The following IP6K3 variants were observed in gnomAD, a reference collection of about 807,000 sequenced individuals.
The protein encoded by IP6K3 is ATP:1D-myo-inositol-hexakisphosphate phosphotransferase.
IP6K3 carries 20 observed loss-of-function variants against 28.8 expected under a neutral mutation model. The observed-to-expected ratio is 0.70, with a 90% CI of 0.49 to 1.01. IP6K3 has a LOEUF of 1.01. Ranked by LOEUF, IP6K3 falls within the 50% of genes least tolerant of loss-of-function variation. The probability of loss-of-function intolerance (pLI) is 0.00; values close to 1 mark genes in which losing one functional copy is unlikely to be tolerated. For missense variants in IP6K3, 480 were observed against 537.1 expected (o/e 0.89, Z 1.05); for synonymous variants, 213 against 221.3 (o/e 0.96, Z 0.33).
chr6:33,738,411 C>T (rs752720355), intron 1 of IP6K3, among the ~76,000 whole-genome samples: 2 of 152,216 alleles, frequency 1.3e-5, no homozygotes, highest in Non-Finnish European at 2.9e-5. Flanking sequence ...TCCCAAAGAG[C>T]TCTAAGGACA....
chr6:33,760,771 C>T, the IP6K3 span, among the ~76,000 whole-genome samples: 3 of 152,178 alleles, frequency 2.0e-5, no homozygotes, highest in African/African-American at 7.2e-5. Context: ...CATGATCTGC[C>T]CACCTCGGCC....
In IP6K3 at chr6:33,726,917, G is replaced by A. The variant is rs755102072; in HGVS notation, c.414-11C>T. 6.3e-7 allele frequency: 1 copy of A among 1,591,466 alleles called. No individual in the cohort carries two copies. Among genetic ancestry groups the A allele is most frequent in the Non-Finnish European group, 8.6e-7 (1 of 1,163,486 alleles). The stretch of plus-strand genomic sequence containing the variant: ...AGAGCCTTGGCCGGGCTGCGGCGGA[G>A]TGGAGCACAGGACGGTCAGAGCAGA... On this transcript the variant is annotated splice_polypyrimidine_tract_variant and intron_variant, in intron 3 of 5. Transcript: ENST00000293756.
intron 2 of IP6K3, among the ~76,000 whole-genome samples, chr6:33,734,634 G>A (rs1011734122): frequency 2.0e-5 from 3 of 152,152 alleles, no homozygotes; most frequent in East Asian, 1.9e-4. Flanking sequence ...AGCCTGTCCT[G>A]GGGAGCCCGA....
the IP6K3 span, among the ~76,000 whole-genome samples, chr6:33,756,541 CAG>C: frequency 6.6e-6 from 1 of 152,048 alleles, no homozygotes; most frequent in South Asian, 2.1e-4. Context: ...TTTGAGTGGA[CAG>C]GGGTCAATCC....
chr6:33,750,565 CT>C (rs1324534778), upstream of IP6K3, among the ~76,000 whole-genome samples: 1 of 152,200 alleles, frequency 6.6e-6, no homozygotes, highest in Non-Finnish European at 1.5e-5. The surrounding 1 kb of genome is among the most constrained non-coding windows in gnomAD (Gnocchi z 4.3). Context: ...TGACTTGCTC[CT>C]TGCCTGTCTC....
chr6:33,735,243 G>A (rs1329793813), intron 2 of IP6K3, 35 bp downstream of exon 2: 1 of 1,580,912 alleles, frequency 6.3e-7, no homozygotes, highest in Non-Finnish European at 8.7e-7. Context: ...CCGTGTGGCA[G>A]CACCCAGACG....
At chr6:33,735,162 G>A (rs1472680664) in intron 2 of IP6K3, 116 bp downstream of exon 2, 14 of 798,704 alleles carry the variant, frequency 1.8e-5, no homozygotes, top group South Asian at 1.2e-4. Context: ...AGAGGGGCGC[G>A]TCTCTGTGGC....
At chr6:33,757,430 A>C in the IP6K3 span, among the ~76,000 whole-genome samples, 1 of 152,226 alleles carries the variant, frequency 6.6e-6, no homozygotes, top group African/African-American at 2.4e-5. Context: ...CACTAATGTA[A>C]ACATGGGATG....
Position 33,727,669 on chromosome 6 carries a change from C to G in IP6K3, c.413+418G>C, listed in dbSNP as rs377453484. On this transcript the variant is annotated intron_variant, in intron 3 of 5. Coordinates refer to ENST00000293756, the MANE Select transcript of IP6K3 (RefSeq NM_054111.5). ...AGCACCACATTGACCTCCCTCCTGG[C>G]CCCTTCCAACTGCTAGGGAAAGAGG... Among the ~76,000 whole-genome samples, 34 of 152,308 alleles carry G rather than the reference C, an allele frequency of 2.2e-4. No homozygotes were observed. The East Asian group carries it at 6.0e-3, about 27-fold the overall frequency.
At chr6:33,754,391 C>A in the IP6K3 span, among the ~76,000 whole-genome samples, 2 of 152,072 alleles carry the variant, frequency 1.3e-5, no homozygotes, top group African/African-American at 4.8e-5. Flanking sequence ...GGGGCGGCCA[C>A]GCGTGTTATT....
intron 4 of IP6K3, 72 bp from the exon 5 acceptor site, chr6:33,725,688 C>T: frequency 7.1e-7 from 1 of 1,418,050 alleles, no homozygotes. Flanking sequence ...GTTTGCATGC[C>T]TCAGAAGCTG....
chr6:33,736,205 A>G (rs1437293707), intron 1 of IP6K3, among the ~76,000 whole-genome samples: 3 of 152,118 alleles, frequency 2.0e-5, no homozygotes, highest in African/African-American at 2.4e-5. Context: ...GAATTTAAAT[A>G]TTAAAACATT....
At position 33,744,121 on chromosome 6, in the gene IP6K3, A is replaced by G. The variant is rs949540598; in HGVS notation, c.-180+2637T>C. On this transcript the variant is annotated intron_variant, in intron 1 of 5. Coordinates refer to ENST00000293756, the MANE Select transcript of IP6K3 (RefSeq NM_054111.5). This position sits in a 1 kb window ranked among gnomAD's most constrained non-coding sequence, Gnocchi z 4.4. ...GAGGGCTTCTCCCTCTTGGCCCCCT[A>G]ATAGATCCTGACCCCTGGACACGCA... is the stretch of plus-strand genomic sequence containing the variant. 2.0e-5 allele frequency among the ~76,000 whole-genome samples: 3 copies of G among 152,164 alleles called. No individual in the cohort carries two copies. The highest frequency in any genetic ancestry group is 7.2e-5 in the African/African-American group (3 of 41,438).
At chr6:33,755,700 G>T in the IP6K3 span, among the ~76,000 whole-genome samples, 2 of 152,240 alleles carry the variant, frequency 1.3e-5, no homozygotes, top group East Asian at 3.9e-4. Flanking sequence ...CCCGCTGTGA[G>T]GCTCTGGGGA....
chr6:33,728,198 G>T lies in IP6K3; in HGVS notation c.302C>A (p.Ser101Ter). The T allele has an allele frequency of 6.2e-7, 1 of 1,614,058 alleles. No homozygotes were observed. The highest frequency in any genetic ancestry group is 8.5e-7 in the Non-Finnish European group (1 of 1,180,046). The part of the protein sequence containing the change: ...SQEPFKVSTE[S>*]AAVAIWQTLQ... ...CGTCTGCCATATGGCCACCGCCGCC[G>T]ACTCTGTGGAGACCTTGAAGGGCTC... Residue 101 changes from serine (S) to a stop codon, truncating the protein, a stop_gained, in exon 3 of 6, where the codon TCG becomes TAG. Coordinates refer to ENST00000293756, the MANE Select transcript of IP6K3 (RefSeq NM_054111.5). LOFTEE classifies it high-confidence loss of function.
At chr6:33,730,294 C>G (rs1465303434) in intron 2 of IP6K3, among the ~76,000 whole-genome samples, 1 of 152,214 alleles carries the variant, frequency 6.6e-6, no homozygotes, top group East Asian at 1.9e-4. Context: ...TAGCAAGTCA[C>G]TCTCCAGAGC....
At chr6:33,723,793 G>C (rs1248791905) in intron 5 of IP6K3, among the ~76,000 whole-genome samples, 1 of 152,236 alleles carries the variant, frequency 6.6e-6, no homozygotes, top group African/African-American at 2.4e-5. Flanking sequence ...TGGTGGAGGA[G>C]GGAGGTTCAT....
the IP6K3 span, among the ~76,000 whole-genome samples, chr6:33,760,907 C>T: frequency 6.6e-6 from 1 of 152,228 alleles, no homozygotes; most frequent in African/African-American, 2.4e-5. Flanking sequence ...CGCCTGCTCT[C>T]TCGATGGGCC....
intron 1 of IP6K3, among the ~76,000 whole-genome samples, chr6:33,737,698 A>G (rs892839858): frequency 2.0e-5 from 3 of 152,234 alleles, no homozygotes; most frequent in Non-Finnish European, 2.9e-5. Context: ...AGGAGGGAGA[A>G]GGAGTGTGGC....
Sources: gnomAD v4.1 joint callset for allele counts (sites outside exome capture counted in the v4.1 genomes callset) on GRCh38, gnomAD v4.1.1 for gene constraint, Gnocchi (gnomAD v3.1) non-coding constraint, MANE v1.5 for transcripts, NCBI Gene and HGNC (gene_info 2026-07-23, HGNC 2026-07-21) for gene names.